Variants in SET observed in about 807,000 individuals in gnomAD.
The protein encoded by SET is SET nuclear proto-oncogene, also known as protein SET.
SET carries 4 observed loss-of-function variants against 39.0 expected under a neutral mutation model. The observed-to-expected ratio is 0.10, with a 90% CI of 0.05 to 0.23. The LOEUF is 0.23. Ranked by LOEUF, SET falls within the 10% of genes least tolerant of loss-of-function variation. The pLI is 1.00. For missense variants in SET, 137 were observed against 329.7 expected (o/e 0.42, Z 4.53); for synonymous variants, 114 against 115.9 (o/e 0.98, Z 0.11).
At chr9:128,690,801 G>C in intron 1 of SET, 1 of 224,122 alleles carries the variant, frequency 4.5e-6, no homozygotes, top group South Asian at 5.6e-5. Flanking sequence ...CCATATTCTA[G>C]TTAGCAGCTG....
At chr9:128,692,118 G>A (rs1861558886) in intron 3 of SET, 118 bp downstream of exon 3, 10 of 1,214,134 alleles carry the variant, frequency 8.2e-6, no homozygotes, top group Non-Finnish European at 1.0e-5. Context: ...GCTGGGTGCG[G>A]TGGCGCACCT....
chr9:128,685,888 G>C (rs921973151), upstream of SET, among the ~76,000 whole-genome samples: 1 of 152,166 alleles, frequency 6.6e-6, no homozygotes, highest in Non-Finnish European at 1.5e-5. Flanking sequence ...TTAGCCAGGC[G>C]TGACGATGCA....
chr9:128,689,181 G>A, upstream of SET: 2 of 825,310 alleles, frequency 2.4e-6, no homozygotes, highest in Non-Finnish European at 2.9e-6. Context: ...CGGAGGCGGA[G>A]CATCCGCGCG....
upstream of SET, chr9:128,685,313 G>A: frequency 1.1e-6 from 1 of 947,860 alleles, no homozygotes; most frequent in Non-Finnish European, 1.7e-6. Context: ...TCTAAGGGGA[G>A]CACTAGACAG....
chr9:128,689,347 G>T lies in SET; in HGVS notation c.-236G>T, dbSNP rs1419158522. 3 of 1,042,208 alleles carry T rather than the reference G, an allele frequency of 2.9e-6. No individual in the cohort carries two copies. In the South Asian group the frequency reaches 1.3e-4, roughly 46 times the overall value. 64.6% of individuals were successfully genotyped at this position (1,042,208 alleles called of 1,614,324 possible). A position where few individuals can be genotyped will look rare whatever the true frequency, so the allele number is the denominator to read the frequency against. Reference sequence around the variant, plus strand: ...GCCGCCGCCTCCGCCTCCCCTCCGCGAACAGGAGCCCGGGCCGGGGCCCGG... The same window carrying T: ...GCCGCCGCCTCCGCCTCCCCTCCGCTAACAGGAGCCCGGGCCGGGGCCCGG... On this transcript the variant is annotated 5_prime_UTR_variant, in exon 1 of 8. Transcript: ENST00000322030.
rs1384903449 is a variant in SET at position 128,693,620 on chromosome 9, C to T, written c.493-18C>T. The T allele has an allele frequency of 4.4e-6, 7 of 1,592,236 alleles. No individual in the cohort carries two copies. Among genetic ancestry groups the T allele is most frequent in the African/African-American group, 1.4e-5 (1 of 73,988 alleles). On this transcript the variant is annotated intron_variant, in intron 5 of 7. Transcript: ENST00000322030. ...TTATGGAGAGATTGTATCAAAAGCT[C>T]TTCCGGTATTCATTTAGGATTTGAC...
chr9:128,685,309 G>C, upstream of SET: 5 of 1,018,824 alleles, frequency 4.9e-6, no homozygotes, highest in Admixed American at 4.0e-5. Context: ...GAAATCTAAG[G>C]GGAGCACTAG....
At chr9:128,693,210 A>G (rs1564361290) in intron 5 of SET, among the ~76,000 whole-genome samples, 1 of 152,190 alleles carries the variant, frequency 6.6e-6, no homozygotes, top group Non-Finnish European at 1.5e-5. Flanking sequence ...CCTGGGCAAC[A>G]TAGACCCTTA....
In SET at chr9:128,689,316, C is replaced by CCCG. The variant is rs918097595; in HGVS notation, c.-255_-253dup. 5.5e-5 allele frequency: 57 copies of CCCG among 1,030,500 alleles called. No homozygotes were observed. The highest frequency in any genetic ancestry group is 3.8e-4 in the African/African-American group (22 of 58,480). 63.8% of individuals were successfully genotyped at this position (1,030,500 alleles called of 1,614,324 possible). ...GAGCGCGAGTGAGGGAGCCGAGCCG[C>CCCG]CCGCCGCCGCCGCCTCCGCCTCCCC... On this transcript the variant is annotated 5_prime_UTR_variant, in exon 1 of 8. Coordinates refer to ENST00000322030, the MANE Select transcript of SET (RefSeq NM_003011.4).
intron 2 of SET, 46 bp downstream of exon 2, chr9:128,691,273 T>A: frequency 8.5e-7 from 1 of 1,173,244 alleles, no homozygotes; most frequent in Non-Finnish European, 1.3e-6. Context: ...CTGAGATGTG[T>A]CTAATAGCCC....
intron 3 of SET, chr9:128,692,251 G>A (rs919667757): frequency 1.6e-5 from 6 of 381,590 alleles, no homozygotes; most frequent in Admixed American, 8.7e-5. Context: ...TTAGCTGGGC[G>A]TGGTGGCGCG....
chr9:128,688,703 T>G (rs1483409403), upstream of SET, among the ~76,000 whole-genome samples: 1 of 152,072 alleles, frequency 6.6e-6, no homozygotes, highest in South Asian at 2.1e-4. Flanking sequence ...GCGCGCGGAT[T>G]ACACAGCCTG....
chr9:128,689,390 T>G lies in SET; in HGVS notation c.-193T>G. 1.1e-6 allele frequency: 1 copy of G among 905,632 alleles called. No individual in the cohort carries two copies. The highest frequency in any genetic ancestry group is 1.9e-5 in the African/African-American group (1 of 53,998). The allele number at this position is 905,632 out of a possible 1,614,324, so 56.1% of individuals were successfully genotyped here. ...GGGCCCGGCACGCCGCCCCAGCCCG[T>G]CCCTCGGCGTCAGGCCGCGAGGGTA... is the stretch of plus-strand genomic sequence containing the variant. On this transcript the variant is annotated 5_prime_UTR_variant, in exon 1 of 8. Transcript: ENST00000322030.
intron 7 of SET, 77 bp from the exon 8 acceptor site, chr9:128,694,564 G>T: frequency 2.1e-6 from 2 of 958,256 alleles, no homozygotes; most frequent in Non-Finnish European, 3.2e-6. Flanking sequence ...AGGGGCACTC[G>T]TGGGGTCCAT....
At chr9:128,690,072 C>T (rs1216236468) in intron 1 of SET, 4 of 783,504 alleles carry the variant, frequency 5.1e-6, no homozygotes, top group Non-Finnish European at 6.2e-6. Context: ...CGCGGTTCCG[C>T]TTCGCGCCCG....
At chr9:128,688,570 T>C (rs1352821610), upstream of SET, among the ~76,000 whole-genome samples, 1 of 152,196 alleles carries the variant, frequency 6.6e-6, no homozygotes, top group African/African-American at 2.4e-5. Flanking sequence ...TCGAGTTTAA[T>C]GTGGCTTCAG....
At chr9:128,694,126 T>G in intron 7 of SET, 84 bp downstream of exon 7, 1 of 1,139,522 alleles carries the variant, frequency 8.8e-7, no homozygotes, top group Non-Finnish European at 1.2e-6. Context: ...ATATATAGTG[T>G]GGTAGAACTG....
chr9:128,688,324 T>A (rs77594831), upstream of SET, among the ~76,000 whole-genome samples: 1 of 152,226 alleles, frequency 6.6e-6, no homozygotes, highest in African/African-American at 2.4e-5. Context: ...AAAAGTATTA[T>A]TTAAACAAAA....
chr9:128,692,062 G>A, intron 3 of SET, 62 bp downstream of exon 3: 1 of 1,580,226 alleles, frequency 6.3e-7, no homozygotes, highest in African/African-American at 1.3e-5. Flanking sequence ...GAGGAAGCTT[G>A]GTGAAGACTT....
Sources: allele counts gnomAD v4.1 joint callset (sites outside exome capture counted in the v4.1 genomes callset), GRCh38; gene constraint gnomAD v4.1.1; transcripts MANE v1.5; gene names NCBI Gene and HGNC (gene_info 2026-07-23, HGNC 2026-07-21).